The following MTMR8 variants were observed in gnomAD, a reference collection of about 807,000 sequenced individuals.
MTMR8 encodes phosphatidylinositol-3,5-bisphosphate 3-phosphatase MTMR8.
In MTMR8, 65 loss-of-function variants were observed where a neutral mutation model predicts 39.3. The observed-to-expected ratio is 1.65, with a 90% CI of 1.35 to 2.03. The LOEUF (loss-of-function observed/expected upper bound fraction) is 2.03. Ranked by LOEUF, MTMR8 falls within the 30% of genes most tolerant of loss-of-function variation. The pLI is 0.00. For missense variants in MTMR8, 777 were observed against 538.9 expected, an observed-to-expected ratio of 1.44 and a Z score of -4.37; for synonymous variants, 245 against 185.2, an observed-to-expected ratio of 1.32 and a Z score of -2.62.
chrX:64,313,471 G>T, intron 12 of MTMR8, among the ~76,000 whole-genome samples: 1 of 112,680 alleles, frequency 8.9e-6, no homozygotes, highest in Non-Finnish European at 1.9e-5. Context: ...CTTATCGTTT[G>T]TGTTTTCACT....
chrX:64,351,001 A>T (rs1294125915), intron 4 of MTMR8, among the ~76,000 whole-genome samples: 2 of 111,765 alleles, frequency 1.8e-5, no homozygotes, highest in South Asian at 7.5e-4. Context: ...GCTCTATGTA[A>T]CTCATTAAAG....
intron 10 of MTMR8, among the ~76,000 whole-genome samples, chrX:64,333,192 CA>C (rs1922986806): frequency 8.9e-6 from 1 of 111,918 alleles, no homozygotes; most frequent in African/African-American, 3.2e-5. Context: ...TGAGTCTCCA[CA>C]TTCAGCTGTG....
intron 1 of MTMR8, chrX:64,360,319 G>T (rs1266362111): frequency 3.6e-6 from 1 of 274,715 alleles, no homozygotes; most frequent in South Asian, 3.7e-5. Context: ...TAGCAGAACT[G>T]CAAAGAGAAA....
chrX:64,312,035 G>A (rs889577048), intron 12 of MTMR8, among the ~76,000 whole-genome samples: 1 of 110,955 alleles, frequency 9.0e-6, no homozygotes, highest in African/African-American at 3.3e-5. Context: ...TTCCAATTCT[G>A]TGAAGGAAGT....
At chrX:64,338,630 C>G (rs1032487060) in intron 8 of MTMR8, among the ~76,000 whole-genome samples, 1 of 111,876 alleles carries the variant, frequency 8.9e-6, no homozygotes, top group African/African-American at 3.2e-5. Flanking sequence ...GAGTTGGAAG[C>G]AGAGGAGTGC....
intron 6 of MTMR8, among the ~76,000 whole-genome samples, chrX:64,346,368 T>C (rs943551016): frequency 4.5e-5 from 5 of 111,144 alleles, no homozygotes; most frequent in Admixed American, 9.5e-5. Context: ...CTGTTTACAA[T>C]GCAAGACATC....
chrX:64,383,928 G>A (rs750517333), intron 1 of MTMR8, among the ~76,000 whole-genome samples: 1 of 111,333 alleles, frequency 9.0e-6, no homozygotes, highest in African/African-American at 3.3e-5. Flanking sequence ...ACTCATCCCA[G>A]CATTAACTCA....
chrX:64,328,937 C>A, intron 11 of MTMR8, 37 bp from the exon 12 acceptor site: 1 of 1,162,940 alleles, frequency 8.6e-7, no homozygotes, highest in South Asian at 2.0e-5. Context: ...AAATTAAAAG[C>A]AGGAAGCAAG....
At chrX:64,314,550 G>A (rs754919903) in intron 12 of MTMR8, among the ~76,000 whole-genome samples, 81 of 113,129 alleles carry the variant, frequency 7.2e-4, no homozygotes, top group African/African-American at 2.4e-3. Flanking sequence ...TTGCAGGGGC[G>A]GAACTGCCTG....
At chrX:64,369,650 A>T (rs1162180359) in intron 1 of MTMR8, among the ~76,000 whole-genome samples, 5 of 111,287 alleles carry the variant, frequency 4.5e-5, no homozygotes, top group Non-Finnish European at 7.5e-5. Flanking sequence ...GCATTAGGAG[A>T]AATACCTAAT....
intron 1 of MTMR8, among the ~76,000 whole-genome samples, chrX:64,360,131 T>A (rs1294082099): frequency 9.2e-6 from 1 of 108,645 alleles, no homozygotes; most frequent in Non-Finnish European, 1.9e-5. Context: ...TACTTTAGAG[T>A]CACAAACTGA....
chrX:64,359,513 T>G lies in MTMR8; in HGVS notation c.39A>C (p.Lys13Asn), dbSNP rs768939757. 1 of 1,197,794 alleles carries G rather than the reference T, an allele frequency of 8.3e-7. No homozygotes were observed. Among genetic ancestry groups the G allele is most frequent in the South Asian group, 1.8e-5 (1 of 54,329 alleles). ...HITVPKVENVKLVDRYVSKKP... is the reference protein window; with the variant it reads ...HITVPKVENVNLVDRYVSKKP... ...TCTTACTCACATAACGATCCACCAA[T>G]TTCACGTTTTCTACCTGTTATTGGA... The change falls in exon 2 of 14, where the codon AAA becomes AAC. Residue 13 changes from lysine (K) to asparagine (N), a missense_variant. Coordinates refer to ENST00000374852, the MANE Select transcript of MTMR8 (RefSeq NM_017677.4).
intron 1 of MTMR8, among the ~76,000 whole-genome samples, chrX:64,364,904 G>C (rs1285041789): frequency 9.0e-6 from 1 of 111,508 alleles, no homozygotes; most frequent in Non-Finnish European, 1.9e-5. Flanking sequence ...AAACAGTGTA[G>C]AGAAGACCTT....
chrX:64,371,541 T>A lies in MTMR8; in HGVS notation c.25-12014A>T, dbSNP rs779294062. On this transcript the variant is annotated intron_variant, in intron 1 of 13. Coordinates refer to ENST00000374852, the MANE Select transcript of MTMR8 (RefSeq NM_017677.4). ...AGTATCCTTTGACCCAATACCCTAC[T>A]GTTAGAAGTTTATCCTCAGAAATGT... Among the ~76,000 whole-genome samples the A allele has an allele frequency of 2.7e-5, 3 of 110,521 alleles. No homozygotes were observed. The Admixed American group carries it at 2.9e-4, about 11-fold the overall frequency.
chrX:64,314,602 C>T (rs1249714077), intron 12 of MTMR8, among the ~76,000 whole-genome samples: 3 of 113,018 alleles, frequency 2.7e-5, no homozygotes, highest in Non-Finnish European at 3.7e-5. Context: ...GGCGGTACAG[C>T]AGCGGTGGAG....
rs1050198407 is a variant in MTMR8, at chrX:64,348,653, T to G, written c.732+7A>C. 8.3e-7 allele frequency: 1 copy of G among 1,208,986 alleles called. No individual in the cohort carries two copies. The highest frequency in any genetic ancestry group is 2.2e-5 in the Admixed American group (1 of 45,787). Reference sequence around the variant, plus strand: ...AAATATCAAAGAAATCACTGAGAAATAGATACCTTTGGTCTTGTGTCTACA... The same window carrying G: ...AAATATCAAAGAAATCACTGAGAAAGAGATACCTTTGGTCTTGTGTCTACA... On this transcript the variant is annotated splice_region_variant and intron_variant, in intron 6 of 13. Coordinates refer to ENST00000374852, the MANE Select transcript of MTMR8 (RefSeq NM_017677.4).
chrX:64,351,551 A>G (rs1316832371), intron 4 of MTMR8, among the ~76,000 whole-genome samples: 2 of 111,112 alleles, frequency 1.8e-5, no homozygotes, highest in African/African-American at 6.6e-5. Flanking sequence ...ATTGACTCAT[A>G]CAATCAAAAG....
intron 12 of MTMR8, among the ~76,000 whole-genome samples, chrX:64,310,962 C>T (rs778340766): frequency 1.0e-3 from 114 of 111,697 alleles, no homozygotes; most frequent in African/African-American, 3.4e-3. Context: ...AATATACATA[C>T]GTGTGCATGT....
intron 1 of MTMR8, among the ~76,000 whole-genome samples, chrX:64,387,883 G>T (rs1037201008): frequency 3.6e-5 from 4 of 109,860 alleles, no homozygotes; most frequent in Non-Finnish European, 5.7e-5. Flanking sequence ...AGAGAGAAAA[G>T]GAGAGAAAAG....
Sources: allele counts gnomAD v4.1 joint callset (sites outside exome capture counted in the v4.1 genomes callset), GRCh38; gene constraint gnomAD v4.1.1; transcripts MANE v1.5; gene names NCBI Gene and HGNC (gene_info 2026-07-23, HGNC 2026-07-21).